ATR: variants seen among roughly 807,000 people sequenced by gnomAD.
ATR encodes ATR checkpoint kinase, also known as serine/threonine-protein kinase ATR.
ATR carries 142 observed loss-of-function variants against 305.3 expected under a neutral mutation model. The observed-to-expected ratio is 0.47, with a 90% CI of 0.41 to 0.53. The LOEUF is 0.53. Among genes scored for constraint, ATR ranks in the 20% least tolerant of loss-of-function variants. The pLI, the probability that ATR is intolerant of heterozygous loss-of-function variation, is 0.00. For missense variants in ATR, 2,135 were observed against 3,133.1 expected (o/e 0.68, Z 7.60); for synonymous variants, 1,050 against 1,068.1 (o/e 0.98, Z 0.33).
At chr3:142,570,706 A>C (rs1197578666) in intron 1 of ATR, among the ~76,000 whole-genome samples, 1 of 152,158 alleles carries the variant, frequency 6.6e-6, no homozygotes, top group Non-Finnish European at 1.5e-5. Context: ...GTTCACTTCT[A>C]AGAGTTTCAT....
chr3:142,450,673 T>A (rs2070767988), intron 46 of ATR: 3 of 1,600,166 alleles, frequency 1.9e-6, no homozygotes, highest in Admixed American at 1.7e-5. Context: ...TTATGCAATT[T>A]AAAAAATCCT....
At chr3:142,451,546 TG>T in intron 46 of ATR, 1 of 1,353,118 alleles carries the variant, frequency 7.4e-7, no homozygotes, top group Non-Finnish European at 9.7e-7. Context: ...ATATCCAGAG[TG>T]GGCACTTGTC....
At chr3:142,475,828 T>A (rs868519768) in intron 36 of ATR, among the ~76,000 whole-genome samples, 1 of 152,238 alleles carries the variant, frequency 6.6e-6, no homozygotes, top group Non-Finnish European at 1.5e-5. Flanking sequence ...TGGTTTTGAT[T>A]TGCATTTCTC....
chr3:142,547,639 C>A (rs2034319405), intron 16 of ATR, 86 bp downstream of exon 16: 1 of 1,460,120 alleles, frequency 6.8e-7, no homozygotes, highest in African/African-American at 1.4e-5. Flanking sequence ...CAGAAAATGA[C>A]CAAAAATATG....
intron 1 of ATR, among the ~76,000 whole-genome samples, chr3:142,570,878 G>A (rs1335645628): frequency 6.6e-6 from 1 of 152,220 alleles, no homozygotes; most frequent in Non-Finnish European, 1.5e-5. Context: ...GAAATGAAGA[G>A]AAGTAGAGTT....
rs905034474 is a variant in ATR at position 142,538,711 on chromosome 3, T to A, written c.3582-86A>T. 3.3e-6 allele frequency: 5 copies of A among 1,503,480 alleles called. No homozygotes were observed. In the African/African-American group the frequency reaches 7.0e-5, roughly 21 times the overall value. 93.1% of individuals were successfully genotyped at this position (1,503,480 alleles called of 1,614,324 possible). A position where few individuals can be genotyped will look rare whatever the true frequency, so the allele number is the denominator to read the frequency against. ...CAATCAGTAATTAGTTGAAGACACA[T>A]GATATATACAAACAATAGATTAAAA... On this transcript the variant is annotated intron_variant, in intron 18 of 46. Coordinates refer to ENST00000350721, the MANE Select transcript of ATR (RefSeq NM_001184.4).
intron 21 of ATR, among the ~76,000 whole-genome samples, chr3:142,529,160 G>A (rs1280696108): frequency 5.9e-5 from 9 of 151,374 alleles, no homozygotes; most frequent in East Asian, 1.9e-4. Flanking sequence ...GATTACAGGC[G>A]TGAGCTACCG....
At chr3:142,490,241 A>G (rs2031198555) in intron 35 of ATR, among the ~76,000 whole-genome samples, 1 of 152,160 alleles carries the variant, frequency 6.6e-6, no homozygotes, top group African/African-American at 2.4e-5. Context: ...ATTTTTGCAG[A>G]GACAGGTTCT....
chr3:142,482,522 A>G (rs2108304814), intron 36 of ATR, among the ~76,000 whole-genome samples: 2 of 152,306 alleles, frequency 1.3e-5, no homozygotes, highest in Middle Eastern at 6.8e-3. Context: ...AAACAAAAGA[A>G]GCTATTACTC....
chr3:142,527,787 T>C (rs1193552442), intron 21 of ATR, among the ~76,000 whole-genome samples: 1 of 152,222 alleles, frequency 6.6e-6, no homozygotes, highest in Non-Finnish European at 1.5e-5. Flanking sequence ...TTTAGTATAA[T>C]GAAGTATATC....
intron 44 of ATR, among the ~76,000 whole-genome samples, chr3:142,458,247 C>G (rs1240063350): frequency 1.3e-5 from 2 of 152,196 alleles, no homozygotes; most frequent in African/African-American, 4.8e-5. Flanking sequence ...CTGCTGTCCT[C>G]TAATCTGCCT....
chr3:142,545,255 A>G (rs2034222814), intron 16 of ATR, among the ~76,000 whole-genome samples: 1 of 152,186 alleles, frequency 6.6e-6, no homozygotes, highest in African/African-American at 2.4e-5. Context: ...ATAATGCTAT[A>G]AGAAAATAAA....
chr3:142,575,145 C>T (rs1302612372), intron 1 of ATR, among the ~76,000 whole-genome samples: 1 of 152,158 alleles, frequency 6.6e-6, no homozygotes, highest in Non-Finnish European at 1.5e-5. Context: ...GTGGCCCTTG[C>T]CTACCCCTCC....
At chr3:142,527,689 A>C (rs2033453184) in intron 21 of ATR, among the ~76,000 whole-genome samples, 1 of 152,002 alleles carries the variant, frequency 6.6e-6, no homozygotes, top group African/African-American at 2.4e-5. Flanking sequence ...CTTTTCTTAA[A>C]TAGTTTTAAT....
At chr3:142,545,262 TA>T (rs2034223159) in intron 16 of ATR, among the ~76,000 whole-genome samples, 1 of 152,020 alleles carries the variant, frequency 6.6e-6, no homozygotes, top group African/African-American at 2.4e-5. Flanking sequence ...TATAAGAAAA[TA>T]AACACAATCC....
chr3:142,470,027 G>T, intron 37 of ATR, 59 bp downstream of exon 37: 1 of 1,376,390 alleles, frequency 7.3e-7, no homozygotes, highest in Non-Finnish European at 1.0e-6. Flanking sequence ...AGCCAAATCT[G>T]ACTTTATACC....
intron 35 of ATR, among the ~76,000 whole-genome samples, chr3:142,487,724 T>G (rs992404983): frequency 2.6e-5 from 4 of 152,202 alleles, no homozygotes; most frequent in Non-Finnish European, 5.9e-5. Flanking sequence ...AATCTGTAGG[T>G]TGCCTCTAAC....
At chr3:142,517,529 C>T (rs965875436) in intron 24 of ATR, among the ~76,000 whole-genome samples, 7 of 152,094 alleles carry the variant, frequency 4.6e-5, no homozygotes, top group Non-Finnish European at 7.4e-5. Context: ...AGGGAATCAA[C>T]GCTATTGAAA....
intron 21 of ATR, among the ~76,000 whole-genome samples, chr3:142,534,828 C>T (rs996491382): frequency 5.9e-5 from 9 of 152,102 alleles, no homozygotes; most frequent in Non-Finnish European, 8.8e-5. Flanking sequence ...TGTTTACTTA[C>T]GAAGATGCAG....
Sources: allele counts gnomAD v4.1 joint callset (sites outside exome capture counted in the v4.1 genomes callset), GRCh38; gene constraint gnomAD v4.1.1; transcripts MANE v1.5; gene names NCBI Gene and HGNC (gene_info 2026-07-23, HGNC 2026-07-21).